The following GOLM1 variants were observed in gnomAD, a reference collection of about 807,000 sequenced individuals.
GOLM1 encodes golgi membrane protein 1.
In GOLM1, 31 loss-of-function variants were observed where a neutral mutation model predicts 50.5. The ratio of observed to expected loss-of-function variants is 0.61; its 90% confidence interval spans 0.46 to 0.83. The LOEUF (loss-of-function observed/expected upper bound fraction) is 0.83. Ranked by LOEUF, GOLM1 falls within the 40% of genes least tolerant of loss-of-function variation. The probability of loss-of-function intolerance (pLI) is 0.00; values close to 1 mark genes in which losing one functional copy is unlikely to be tolerated. For missense variants in GOLM1, 491 were observed against 501.3 expected (o/e 0.98, Z 0.20); for synonymous variants, 178 against 192.8 (o/e 0.92, Z 0.64).
At chr9:86,029,562 G>A (rs1184723001) in intron 9 of GOLM1, among the ~76,000 whole-genome samples, 1 of 152,022 alleles carries the variant, frequency 6.6e-6, no homozygotes, top group East Asian at 1.9e-4. Flanking sequence ...TTATAACTAT[G>A]GCACATTAAA....
At chr9:86,066,744 T>C (rs1244348962) in intron 3 of GOLM1, among the ~76,000 whole-genome samples, 1 of 151,862 alleles carries the variant, frequency 6.6e-6, no homozygotes, top group Non-Finnish European at 1.5e-5. Flanking sequence ...ATGAACACAA[T>C]AGCAGGAAGA....
In GOLM1 at chr9:86,040,775, G is replaced by A. The variant is rs1043073094; in HGVS notation, c.561C>T (p.Ser187=). The change falls in exon 6 of 10, where the codon TCC becomes TCT. Residue 187 remains serine, a synonymous_variant. Transcript: ENST00000388712. ...VTKKGNEAVA[S]RDLSENNDQR... is the part of the protein sequence containing the mutation. Reference sequence around the variant, plus strand: ...GGTCGTTGTTTTCACTCAGGTCTCTGGAAGCTACAGCTTCATTCCCCTTTT... The same window carrying A: ...GGTCGTTGTTTTCACTCAGGTCTCTAGAAGCTACAGCTTCATTCCCCTTTT... The A allele has an allele frequency of 4.3e-6, 7 of 1,613,784 alleles. No individual in the cohort carries two copies. In the African/African-American group the frequency reaches 9.3e-5, roughly 22 times the overall value.
rs200254111 is a variant in GOLM1 at position 86,067,883 on chromosome 9, G to A, written c.309+9529C>T. Among the ~76,000 whole-genome samples, 7 of 152,276 alleles carry A rather than the reference G, an allele frequency of 4.6e-5. No individual in the cohort carries two copies. In the East Asian group the frequency reaches 1.4e-3, roughly 29 times the overall value. On this transcript the variant is annotated intron_variant, in intron 3 of 9. Transcript: ENST00000388712. ...TAGCTGGGCATGGTGGTGGGTGCCT[G>A]TAGTCCCAACTACTTAGGAGGCTGA... is the stretch of plus-strand genomic sequence containing the variant.
intron 3 of GOLM1, among the ~76,000 whole-genome samples, chr9:86,064,237 G>A (rs577088841): frequency 2.0e-5 from 3 of 152,324 alleles, no homozygotes; most frequent in African/African-American, 7.2e-5. Flanking sequence ...GTATTTGAAG[G>A]TTGAATCCAA....
At chr9:86,087,287 A>G (rs10868369) in intron 1 of GOLM1, among the ~76,000 whole-genome samples, 36,698 of 152,118 alleles carry the variant, frequency 0.24, 7,519 homozygotes, top group African/African-American at 0.53. Flanking sequence ...ATTTTTGCAC[A>G]TTGATTTTGT....
intron 3 of GOLM1, among the ~76,000 whole-genome samples, chr9:86,076,587 C>T (rs943693692): frequency 2.0e-4 from 30 of 151,430 alleles, no homozygotes; most frequent in African/African-American, 5.3e-4. Flanking sequence ...AAAACCAGGC[C>T]GGGCACGGTG....
In GOLM1 at chr9:86,036,366, T is replaced by G. The variant is rs1156392993; in HGVS notation, c.739A>C (p.Lys247Gln). The change falls in exon 7 of 10, where the codon AAG becomes CAG. Residue 247 changes from lysine (K) to glutamine (Q), a missense_variant. Coordinates refer to ENST00000388712, the MANE Select transcript of GOLM1 (RefSeq NM_016548.4). ...APSSEVVLDSKRQVEKEETNE... is the reference protein window; with the variant it reads ...APSSEVVLDSQRQVEKEETNE... ...TGCTTACCTTTCTCAACTTGTCTCTTTGAATCCAAAACCACTTCGGAACTG... is the reference window on the plus strand; with the variant it reads ...TGCTTACCTTTCTCAACTTGTCTCTGTGAATCCAAAACCACTTCGGAACTG... 1.2e-6 allele frequency: 2 copies of G among 1,614,196 alleles called. No individual in the cohort carries two copies. The highest frequency in any genetic ancestry group is 1.7e-6 in the Non-Finnish European group (2 of 1,180,020).
At position 86,046,495 on chromosome 9, in the gene GOLM1, G is replaced by C. The variant is rs1833548124; in HGVS notation, c.442C>G (p.Leu148Val). Reference sequence around the variant, plus strand: ...AGGTCGTAGGAGAACTTCCTCTCCAGGTTGGTCTGGTTCTTCTGAAACTGG... The same window carrying C: ...AGGTCGTAGGAGAACTTCCTCTCCACGTTGGTCTGGTTCTTCTGAAACTGG... ...VLQFQKNQTN[L>V]ERKFSYDLSQ... Residue 148 changes from leucine (L) to valine (V), a missense_variant, in exon 5 of 10, where the codon CTG becomes GTG. By Grantham distance (32) the Leu-to-Val change is conservative (BLOSUM62 1). Coordinates refer to ENST00000388712, the MANE Select transcript of GOLM1 (RefSeq NM_016548.4). 1.9e-6 allele frequency: 3 copies of C among 1,611,800 alleles called. No homozygotes were observed. Among genetic ancestry groups the C allele is most frequent in the Non-Finnish European group, 2.5e-6 (3 of 1,177,890 alleles).
At chr9:86,098,479 G>A (rs11141234) in intron 1 of GOLM1, among the ~76,000 whole-genome samples, 64,502 of 152,076 alleles carry the variant, frequency 0.42, 15,770 homozygotes, top group Non-Finnish European at 0.57. Context: ...CCCTAGAAAT[G>A]TTCCTCAATA....
chr9:86,034,962 A>G, intron 8 of GOLM1: 85 of 703,596 alleles, frequency 1.2e-4, no homozygotes, highest in Non-Finnish European at 1.4e-4. Context: ...TCTACCCAAT[A>G]TTCCTTCCTT....
In GOLM1 at chr9:86,040,819, G is replaced by A. The variant is rs761717453; in HGVS notation, c.517C>T (p.Arg173Ter). The A allele has an allele frequency of 4.3e-6, 7 of 1,613,206 alleles. No homozygotes were observed. The highest frequency in any genetic ancestry group is 3.3e-5 in the South Asian group (3 of 91,064). Reference protein sequence around the residue: ...MKEVKEQCEERIEEVTKKGNE... With the variant: ...MKEVKEQCEE ...CCCTTTTTGGTGACCTCTTCTATTC[G>A]CTCCTCACACTGTTCCTTCACCTCC... The change falls in exon 6 of 10, where the codon CGA (arginine) becomes TGA (stop). Residue 173 changes from arginine to a stop codon, truncating the protein, a stop_gained. Coordinates refer to ENST00000388712, the MANE Select transcript of GOLM1 (RefSeq NM_016548.4). LOFTEE classifies it high-confidence loss of function.
intron 3 of GOLM1, among the ~76,000 whole-genome samples, chr9:86,074,748 A>G (rs970354155): frequency 6.6e-6 from 1 of 152,204 alleles, no homozygotes; most frequent in African/African-American, 2.4e-5. Flanking sequence ...ACGTCTGGCC[A>G]AGCACAGGCT....
At position 86,035,590 on chromosome 9, in the gene GOLM1, G is replaced by A. The variant is rs1157735947; in HGVS notation, c.793C>T (p.Pro265Ser). 2 of 1,604,474 alleles carry A rather than the reference G, an allele frequency of 1.2e-6. No homozygotes were observed. The highest frequency in any genetic ancestry group is 2.2e-5 in the East Asian group (1 of 44,786). ...TNEIQVVNEE[P>S]QRDRLPQEPG... ...TCCTGCGGCAGCCTGTCCCTCTGAGGCTCCTCATTCACCACCTGGATCTCA... is the reference window on the plus strand; with the variant it reads ...TCCTGCGGCAGCCTGTCCCTCTGAGACTCCTCATTCACCACCTGGATCTCA... Residue 265 changes from proline (P) to serine (S), a missense_variant, in exon 8 of 10, where the codon CCT becomes TCT. By Grantham distance (74) the Pro-to-Ser change is moderately conservative. Transcript: ENST00000388712.
intron 5 of GOLM1, among the ~76,000 whole-genome samples, chr9:86,043,362 C>CT (rs1322805760): frequency 2.0e-5 from 3 of 152,180 alleles, no homozygotes; most frequent in Non-Finnish European, 4.4e-5. Flanking sequence ...GAAACCTGGC[C>CT]TCTCCATCAG....
chr9:86,026,399 G>A lies in GOLM1; in HGVS notation c.*1418C>T. 1.0e-6 allele frequency: 1 copy of A among 985,282 alleles called. No homozygotes were observed. The highest frequency in any genetic ancestry group is 1.2e-6 in the Non-Finnish European group (1 of 829,866). 61.0% of individuals were successfully genotyped at this position (985,282 alleles called of 1,614,324 possible). A position where few individuals can be genotyped will look rare whatever the true frequency, so the allele number is the denominator to read the frequency against. On this transcript the variant is annotated 3_prime_UTR_variant, in exon 10 of 10. Coordinates refer to ENST00000388712, the MANE Select transcript of GOLM1 (RefSeq NM_016548.4). The stretch of plus-strand genomic sequence containing the variant: ...ATGAAGAATGTTTAAGTTGGAGGTG[G>A]CAACGTGAATTGCAAACAGGGCCTG...
In GOLM1 at chr9:86,052,822, G is replaced by A. The variant is rs547921516; in HGVS notation, c.310-231C>T. The stretch of plus-strand genomic sequence containing the variant: ...CTCTGGACCCGAGCAAAAGCCAACG[G>A]GTCCAGACCCCACTCCAGCCCAGGA... On this transcript the variant is annotated intron_variant, in intron 3 of 9. Coordinates refer to ENST00000388712, the MANE Select transcript of GOLM1 (RefSeq NM_016548.4). Among the ~76,000 whole-genome samples the A allele has an allele frequency of 2.7e-5, 3 of 111,282 alleles. No homozygotes were observed. In the South Asian group the frequency reaches 7.7e-4, roughly 28 times the overall value. The allele number at this position is 111,282 out of a possible 152,430, so 73.0% of individuals were successfully genotyped here.
At chr9:86,072,972 T>C (rs1834494120) in intron 3 of GOLM1, among the ~76,000 whole-genome samples, 1 of 152,170 alleles carries the variant, frequency 6.6e-6, no homozygotes, top group Non-Finnish European at 1.5e-5. Context: ...TATCTGAACA[T>C]AGAAAAGATT....
intron 9 of GOLM1, among the ~76,000 whole-genome samples, chr9:86,031,498 C>G (rs4610829): frequency 0.15 from 17,166 of 113,744 alleles, 3,013 homozygotes; most frequent in African/African-American, 0.42. Context: ...TTTCACTCTT[C>G]TTGCCCAGGC....
intron 1 of GOLM1, among the ~76,000 whole-genome samples, chr9:86,098,971 C>G (rs1428340489): frequency 6.6e-6 from 1 of 152,228 alleles, no homozygotes; most frequent in African/African-American, 2.4e-5. Context: ...AGCCGAGAGA[C>G]TCGCGGCTCG....
Sources: gnomAD v4.1 joint callset for allele counts (sites outside exome capture counted in the v4.1 genomes callset) on GRCh38, gnomAD v4.1.1 for gene constraint, MANE v1.5 for transcripts, NCBI Gene and HGNC (gene_info 2026-07-23, HGNC 2026-07-21) for gene names.